The following FSIP1 variants were observed in gnomAD, a reference collection of about 807,000 sequenced individuals.
FSIP1 encodes fibrous sheath interacting protein 1.
FSIP1 carries 65 observed loss-of-function variants against 60.9 expected under a neutral mutation model. That is an observed-to-expected ratio of 1.07 (90% CI 0.87 to 1.31). The LOEUF is 1.31. FSIP1 is among the 40% of genes most tolerant of loss of function. The pLI is 0.00. For synonymous variants in FSIP1, 209 were observed against 221.2 expected, an observed-to-expected ratio of 0.94 and a Z score of 0.49; for missense variants, 675 against 665.5, an observed-to-expected ratio of 1.01 and a Z score of -0.16.
At chr15:39,707,796 G>A (rs2140538537) in intron 10 of FSIP1, among the ~76,000 whole-genome samples, 1 of 152,232 alleles carries the variant, frequency 6.6e-6, no homozygotes, top group African/African-American at 2.4e-5. Context: ...AGGTCACACA[G>A]CTACTAAGTG....
At chr15:39,623,158 G>A (rs1891505594) in intron 10 of FSIP1, among the ~76,000 whole-genome samples, 1 of 152,122 alleles carries the variant, frequency 6.6e-6, no homozygotes, top group African/African-American at 2.4e-5. Context: ...AACACAGACT[G>A]TGGATTACCT....
chr15:39,744,810 C>CACACACAG (rs67193385), intron 5 of FSIP1, among the ~76,000 whole-genome samples: 2 of 145,656 alleles, frequency 1.4e-5, no homozygotes, highest in South Asian at 2.3e-4. Context: ...CACACACACA[C>CACACACAG]AGTTCCCCAC....
At chr15:39,768,781 G>A (rs939550159) in intron 3 of FSIP1, among the ~76,000 whole-genome samples, 1 of 152,226 alleles carries the variant, frequency 6.6e-6, no homozygotes, top group South Asian at 2.1e-4. Flanking sequence ...CAGGTTAACT[G>A]TTAAGTGAAA....
chr15:39,603,122 G>T (rs557763871), intron 11 of FSIP1, among the ~76,000 whole-genome samples: 1 of 152,182 alleles, frequency 6.6e-6, no homozygotes, highest in Non-Finnish European at 1.5e-5. Context: ...AACTCAAAAT[G>T]CTAACAGTGC....
At chr15:39,689,958 C>T (rs1282519020) in intron 10 of FSIP1, among the ~76,000 whole-genome samples, 2 of 152,122 alleles carry the variant, frequency 1.3e-5, no homozygotes, top group Non-Finnish European at 2.9e-5. Context: ...AGGTCAGTAC[C>T]CATGTATTAG....
intron 10 of FSIP1, among the ~76,000 whole-genome samples, chr15:39,704,301 A>G (rs1465499451): frequency 2.6e-5 from 4 of 152,260 alleles, no homozygotes; most frequent in African/African-American, 9.6e-5. Flanking sequence ...ACACCAAAGT[A>G]TAACTATTTT....
chr15:39,734,806 G>A (rs545016435), intron 8 of FSIP1, among the ~76,000 whole-genome samples: 2 of 152,102 alleles, frequency 1.3e-5, no homozygotes, highest in South Asian at 4.2e-4. Flanking sequence ...TGCTCATATT[G>A]ATAATAACAA....
At position 39,682,256 on chromosome 15, in the gene FSIP1, T is replaced by A. The variant is rs1894195569; in HGVS notation, c.1188+31188A>T. On this transcript the variant is annotated intron_variant, in intron 10 of 11. Coordinates refer to ENST00000350221, the MANE Select transcript of FSIP1 (RefSeq NM_152597.5). The stretch of plus-strand genomic sequence containing the variant: ...ATATGCAACACTAAAATCATTATGG[T>A]CTGACATTTTTATATGCTTATAAAA... Among the ~76,000 whole-genome samples, 4 of 152,214 alleles carry A rather than the reference T, an allele frequency of 2.6e-5. No homozygotes were observed. The South Asian group carries it at 8.3e-4, about 32-fold the overall frequency.
intron 10 of FSIP1, among the ~76,000 whole-genome samples, chr15:39,697,246 A>G (rs1894857778): frequency 6.6e-6 from 1 of 152,148 alleles, no homozygotes; most frequent in Admixed American, 6.5e-5. Context: ...TTCTAGATAT[A>G]CCAAACAAAA....
chr15:39,761,215 C>T (rs924400702), intron 5 of FSIP1, among the ~76,000 whole-genome samples: 26 of 152,128 alleles, frequency 1.7e-4, no homozygotes, highest in Admixed American at 1.3e-4. Flanking sequence ...GAAATCCCAC[C>T]TCTGGGCATT....
intron 10 of FSIP1, among the ~76,000 whole-genome samples, chr15:39,658,331 C>T (rs1460061262): frequency 6.8e-6 from 1 of 147,012 alleles, no homozygotes; most frequent in Non-Finnish European, 1.5e-5. Flanking sequence ...CAGCTCACTG[C>T]AACCGCTTCC....
In FSIP1 at chr15:39,702,049, T is replaced by G. The variant is rs190255389; in HGVS notation, c.1188+11395A>C. On this transcript the variant is annotated intron_variant, in intron 10 of 11. Transcript: ENST00000350221. ...ACCCAGAGCCTACCTTCATGCAGGCTTATCGTTGGTAACTCTCATGGGGGA... is the reference window on the plus strand; with the variant it reads ...ACCCAGAGCCTACCTTCATGCAGGCGTATCGTTGGTAACTCTCATGGGGGA... 6.8e-4 allele frequency among the ~76,000 whole-genome samples: 103 copies of G among 152,266 alleles called. 2 individuals are homozygous for G. The East Asian group carries it at 8.7e-3, about 13-fold the overall frequency.
chr15:39,640,490 T>G (rs912040609), intron 10 of FSIP1, among the ~76,000 whole-genome samples: 1 of 152,200 alleles, frequency 6.6e-6, no homozygotes, highest in African/African-American at 2.4e-5. Flanking sequence ...TTCAACCTCC[T>G]TAATTCACTG....
rs1288875341 is a variant in FSIP1 at position 39,741,788 on chromosome 15, C to T, written c.655+17G>A. The T allele has an allele frequency of 7.7e-7, 1 of 1,304,360 alleles. No homozygotes were observed. 80.8% of individuals were successfully genotyped at this position (1,304,360 alleles called of 1,614,324 possible). A position where few individuals can be genotyped will look rare whatever the true frequency, so the allele number is the denominator to read the frequency against. ...TCCCTTGTGAAAATGTGTATAATCACACAAATTTAAATATACCTTTATTGA... is the reference window on the plus strand; with the variant it reads ...TCCCTTGTGAAAATGTGTATAATCATACAAATTTAAATATACCTTTATTGA... On this transcript the variant is annotated intron_variant, in intron 6 of 11. Transcript: ENST00000350221.
chr15:39,714,716 C>G (rs1257660371), intron 9 of FSIP1, among the ~76,000 whole-genome samples: 1 of 151,522 alleles, frequency 6.6e-6, no homozygotes, highest in African/African-American at 2.4e-5. Context: ...TACCTGTAAC[C>G]CCAACACTCC....
chr15:39,759,754 G>T (rs927150874), intron 5 of FSIP1, among the ~76,000 whole-genome samples: 1 of 152,208 alleles, frequency 6.6e-6, no homozygotes, highest in South Asian at 2.1e-4. Flanking sequence ...GCTTCTGATG[G>T]TTGCCAGCAG....
chr15:39,601,824 A>G (rs1489871558), intron 11 of FSIP1, among the ~76,000 whole-genome samples: 3 of 152,252 alleles, frequency 2.0e-5, no homozygotes, highest in African/African-American at 4.8e-5. Flanking sequence ...TTCCATTTAT[A>G]TGAAATGTTC....
chr15:39,653,925 A>AT (rs901498128), intron 10 of FSIP1, among the ~76,000 whole-genome samples: 1 of 151,774 alleles, frequency 6.6e-6, no homozygotes, highest in Non-Finnish European at 1.5e-5. Context: ...TTTTTATTTT[A>AT]TTTTTTTTAC....
At chr15:39,651,874 G>A (rs545118375) in intron 10 of FSIP1, among the ~76,000 whole-genome samples, 10 of 152,210 alleles carry the variant, frequency 6.6e-5, no homozygotes, top group Admixed American at 5.9e-4. Context: ...CAACCACTAC[G>A]TATCTATCTC....
Sources: allele counts gnomAD v4.1 joint callset (sites outside exome capture counted in the v4.1 genomes callset), GRCh38; gene constraint gnomAD v4.1.1; transcripts MANE v1.5; gene names NCBI Gene and HGNC (gene_info 2026-07-23, HGNC 2026-07-21).